The following ZEB1 variants were observed in gnomAD, a reference collection of about 807,000 sequenced individuals.
ZEB1 encodes the protein zinc finger E-box-binding homeobox 1.
Under a neutral mutation model 84.9 loss-of-function variants are expected in ZEB1, and 21 were observed. That is an observed-to-expected ratio of 0.25 (90% CI 0.18 to 0.36). The LOEUF (loss-of-function observed/expected upper bound fraction) is 0.36. ZEB1 is among the 10% of genes least tolerant of loss of function. The pLI is 1.00. For missense variants in ZEB1, 1,104 were observed against 1,330.2 expected, an observed-to-expected ratio of 0.83 and a Z score of 2.65; for synonymous variants, 420 against 471.1, an observed-to-expected ratio of 0.89 and a Z score of 1.41.
At chr10:31,465,844 G>A (rs1162562115) in intron 2 of ZEB1, among the ~76,000 whole-genome samples, 2 of 151,582 alleles carry the variant, frequency 1.3e-5, no homozygotes, top group African/African-American at 4.8e-5. Context: ...GGCTTTAAAT[G>A]CATTTTTTAA....
chr10:31,331,509 A>G (rs1346174926), intron 1 of ZEB1, among the ~76,000 whole-genome samples: 1 of 152,176 alleles, frequency 6.6e-6, no homozygotes, highest in African/African-American at 2.4e-5. Context: ...TATTGTATGC[A>G]AGGTAATGAG....
chr10:31,406,839 G>T (rs547611392), intron 1 of ZEB1, among the ~76,000 whole-genome samples: 1 of 152,088 alleles, frequency 6.6e-6, no homozygotes, highest in Non-Finnish European at 1.5e-5. Flanking sequence ...TTATGTTTAA[G>T]TGTTTAATCT....
At chr10:31,434,830 A>G (rs1442486361) in intron 1 of ZEB1, among the ~76,000 whole-genome samples, 2 of 152,168 alleles carry the variant, frequency 1.3e-5, no homozygotes, top group African/African-American at 2.4e-5. Flanking sequence ...GCAGTGTTTT[A>G]GTTTGTTCAT....
chr10:31,523,283 T>C (rs756022267), intron 7 of ZEB1, among the ~76,000 whole-genome samples: 5 of 152,230 alleles, frequency 3.3e-5, no homozygotes, highest in South Asian at 2.1e-4. Flanking sequence ...TGAGACTGCC[T>C]GGAGTTTCTA....
intron 1 of ZEB1, among the ~76,000 whole-genome samples, chr10:31,428,402 T>C (rs959433933): frequency 3.9e-5 from 6 of 152,244 alleles, no homozygotes; most frequent in African/African-American, 1.4e-4. Context: ...GATTTTGAAT[T>C]TGATTGCACT....
At chr10:31,403,973 C>T (rs1286772302) in intron 1 of ZEB1, among the ~76,000 whole-genome samples, 3 of 152,040 alleles carry the variant, frequency 2.0e-5, no homozygotes, top group Admixed American at 6.6e-5. Flanking sequence ...GCTGGAAATT[C>T]ACATAGTCTT....
At chr10:31,475,185 A>G (rs929541072) in intron 2 of ZEB1, among the ~76,000 whole-genome samples, 2 of 151,578 alleles carry the variant, frequency 1.3e-5, no homozygotes, top group Admixed American at 6.6e-5. Context: ...CAATGTGCAC[A>G]TGTACCCTAA....
intron 4 of ZEB1, among the ~76,000 whole-genome samples, chr10:31,507,343 G>A (rs2069153460): frequency 6.6e-6 from 1 of 152,052 alleles, no homozygotes; most frequent in South Asian, 2.1e-4. Flanking sequence ...ATTTGGGGGT[G>A]CGCTGAGCTT....
chr10:31,414,208 A>G (rs1351392777), intron 1 of ZEB1, among the ~76,000 whole-genome samples: 1 of 152,266 alleles, frequency 6.6e-6, no homozygotes, highest in African/African-American at 2.4e-5. Context: ...AGCACACAAC[A>G]TAGTGCATGG....
chr10:31,510,633 G>A (rs2069813392), intron 4 of ZEB1, 40 bp from the exon 5 acceptor site: 1 of 1,553,492 alleles, frequency 6.4e-7, no homozygotes, highest in Non-Finnish European at 8.8e-7. Flanking sequence ...AATATTTTCT[G>A]AATGTTTTAA....
chr10:31,377,803 G>A (rs984678244), intron 1 of ZEB1, among the ~76,000 whole-genome samples: 2 of 151,546 alleles, frequency 1.3e-5, no homozygotes, highest in African/African-American at 4.8e-5. Context: ...GTTTCAACAT[G>A]TACTAAATAA....
chr10:31,342,113 G>T (rs1043582594), intron 1 of ZEB1, among the ~76,000 whole-genome samples: 1 of 152,172 alleles, frequency 6.6e-6, no homozygotes. Context: ...TAGAATGTAA[G>T]TTCCATAAGA....
intron 1 of ZEB1, among the ~76,000 whole-genome samples, chr10:31,367,382 T>C (rs938013656): frequency 1.3e-5 from 2 of 152,022 alleles, no homozygotes; most frequent in African/African-American, 4.8e-5. Context: ...TAACAATCAG[T>C]TGAGATGCTT....
At chr10:31,498,173 A>C (rs1007226491) in intron 3 of ZEB1, among the ~76,000 whole-genome samples, 1 of 152,060 alleles carries the variant, frequency 6.6e-6, no homozygotes, top group Non-Finnish European at 1.5e-5. Flanking sequence ...CATTTGCTTT[A>C]TAATTGACCT....
intron 7 of ZEB1, 103 bp downstream of exon 7, chr10:31,522,039 T>G: frequency 5.3e-6 from 8 of 1,500,176 alleles, no homozygotes; most frequent in Non-Finnish European, 6.4e-6. Flanking sequence ...CCAACTAGAT[T>G]ATTACAAACT....
chr10:31,458,124 A>T (rs1234790263), intron 1 of ZEB1, among the ~76,000 whole-genome samples: 1 of 152,096 alleles, frequency 6.6e-6, no homozygotes, highest in Non-Finnish European at 1.5e-5. Context: ...ACCTTACATG[A>T]TAGCCAGATC....
chr10:31,364,623 A>G (rs569680687), intron 1 of ZEB1, among the ~76,000 whole-genome samples: 1 of 152,358 alleles, frequency 6.6e-6, no homozygotes, highest in African/African-American at 2.4e-5. Context: ...GAGAGGACGC[A>G]GTGCCCTGAC....
At chr10:31,414,360 A>G (rs1422755903) in intron 1 of ZEB1, among the ~76,000 whole-genome samples, 2 of 152,198 alleles carry the variant, frequency 1.3e-5, no homozygotes, top group African/African-American at 4.8e-5. Flanking sequence ...TTTGGTTTGT[A>G]TGTATACACT....
chr10:31,338,889 G>C (rs1292517427), intron 1 of ZEB1, among the ~76,000 whole-genome samples: 1 of 152,072 alleles, frequency 6.6e-6, no homozygotes, highest in Non-Finnish European at 1.5e-5. Flanking sequence ...CATCATAAAT[G>C]ATGTATAAAT....
Sources: gnomAD v4.1 joint callset for allele counts (sites outside exome capture counted in the v4.1 genomes callset) on GRCh38, gnomAD v4.1.1 for gene constraint, MANE v1.5 for transcripts, NCBI Gene and HGNC (gene_info 2026-07-23, HGNC 2026-07-21) for gene names.